Variants in ROBO1 observed in about 807,000 individuals in gnomAD.
ROBO1 encodes the protein roundabout homolog 1.
Under a neutral mutation model 195.9 loss-of-function variants are expected in ROBO1, and 149 were observed. The ratio of observed to expected loss-of-function variants is 0.76; its 90% CI spans 0.67 to 0.87. The LOEUF is 0.87. Among genes scored for constraint, ROBO1 ranks in the 40% least tolerant of loss-of-function variants. The probability of loss-of-function intolerance (pLI) is 0.00; values close to 1 mark genes in which losing one functional copy is unlikely to be tolerated. For missense variants in ROBO1, 1,933 were observed against 2,068.3 expected (o/e 0.93, Z 1.27); for synonymous variants, 816 against 733.2 (o/e 1.11, Z -1.82).
chr3:79,128,865 G>C (rs2080268842), intron 2 of ROBO1, among the ~76,000 whole-genome samples: 1 of 152,044 alleles, frequency 6.6e-6, no homozygotes, highest in Non-Finnish European at 1.5e-5. Flanking sequence ...CTCCAAGTCT[G>C]GAGGAATGTA....
intron 1 of ROBO1, among the ~76,000 whole-genome samples, chr3:79,669,482 A>T (rs868838409): frequency 1.3e-5 from 2 of 151,948 alleles, no homozygotes; most frequent in South Asian, 4.1e-4. Context: ...AGATAAACAC[A>T]AATACCATTG....
At chr3:79,666,099 A>G (rs1458142303) in intron 1 of ROBO1, among the ~76,000 whole-genome samples, 2 of 152,006 alleles carry the variant, frequency 1.3e-5, no homozygotes, top group Non-Finnish European at 2.9e-5. Flanking sequence ...ACCCAATTTC[A>G]TAGAGATATA....
intron 3 of ROBO1, among the ~76,000 whole-genome samples, chr3:78,959,793 T>G (rs1485653074): frequency 2.0e-5 from 3 of 152,188 alleles, no homozygotes; most frequent in Admixed American, 2.0e-4. Context: ...TCTGTGACAA[T>G]ATAGCATCTG....
chr3:78,855,861 T>C (rs1380598161), intron 4 of ROBO1, among the ~76,000 whole-genome samples: 1 of 150,030 alleles, frequency 6.7e-6, no homozygotes, highest in Admixed American at 6.7e-5. Context: ...CAACATAAAA[T>C]TATGAAAACT....
At chr3:78,994,685 A>T (rs537351850) in intron 3 of ROBO1, among the ~76,000 whole-genome samples, 32 of 152,346 alleles carry the variant, frequency 2.1e-4, no homozygotes, top group African/African-American at 7.5e-4. Context: ...AATGGAAAGA[A>T]AACAAGAGTT....
chr3:79,303,485 G>A (rs961703230), intron 2 of ROBO1, among the ~76,000 whole-genome samples: 2 of 151,830 alleles, frequency 1.3e-5, no homozygotes, highest in African/African-American at 4.8e-5. Context: ...TTTTTGTGGT[G>A]AGAATACTTG....
At chr3:78,882,811 T>C (rs1431395066) in intron 4 of ROBO1, among the ~76,000 whole-genome samples, 2 of 115,550 alleles carry the variant, frequency 1.7e-5, no homozygotes, top group East Asian at 2.4e-4. Context: ...TTCTTCCTAA[T>C]CTTTTTTTTT....
chr3:78,918,346 C>T (rs1383755657), intron 4 of ROBO1, among the ~76,000 whole-genome samples: 2 of 152,032 alleles, frequency 1.3e-5, no homozygotes, highest in Admixed American at 1.3e-4. Flanking sequence ...CTATAAAACA[C>T]CCAGAGTGCT....
intron 4 of ROBO1, among the ~76,000 whole-genome samples, chr3:78,909,121 C>T (rs2038093807): frequency 6.6e-6 from 1 of 151,696 alleles, no homozygotes. Context: ...TTATGGAGCT[C>T]TCCATTGCGG....
At chr3:79,225,073 C>A (rs1455297737) in intron 2 of ROBO1, among the ~76,000 whole-genome samples, 3 of 152,002 alleles carry the variant, frequency 2.0e-5, no homozygotes, top group African/African-American at 4.8e-5. Flanking sequence ...TAGGAAAGAA[C>A]ATTCCAGAGA....
At chr3:79,146,816 A>C (rs1267573026) in intron 2 of ROBO1, among the ~76,000 whole-genome samples, 1 of 151,964 alleles carries the variant, frequency 6.6e-6, no homozygotes, top group Non-Finnish European at 1.5e-5. Context: ...GTTGAATCTG[A>C]TTATTTAACA....
At chr3:79,531,762 A>T (rs1311539532) in intron 2 of ROBO1, among the ~76,000 whole-genome samples, 1 of 152,198 alleles carries the variant, frequency 6.6e-6, no homozygotes, top group Admixed American at 6.6e-5. Flanking sequence ...ATTCATATGC[A>T]AACACATTTC....
intron 2 of ROBO1, among the ~76,000 whole-genome samples, chr3:79,378,640 T>A (rs1028148352): frequency 1.3e-5 from 2 of 152,244 alleles, no homozygotes; most frequent in Non-Finnish European, 2.9e-5. Context: ...TGAAACTAAG[T>A]ATAGGCTCCC....
At chr3:79,497,782 T>C (rs6548620) in intron 2 of ROBO1, among the ~76,000 whole-genome samples, 30,303 of 152,154 alleles carry the variant, frequency 0.2, 3,415 homozygotes, top group African/African-American at 0.27. Flanking sequence ...AACAAATTAA[T>C]ATTTTTCTTT....
rs753467336 is a variant in ROBO1 at position 78,717,395 on chromosome 3, T to C, written c.797A>G (p.Lys266Arg). The C allele has an allele frequency of 6.2e-7, 1 of 1,613,754 alleles. No individual in the cohort carries two copies. The highest frequency in any genetic ancestry group is 8.5e-7 in the Non-Finnish European group (1 of 1,179,716). ...LTVLERPSFVKRPSNLAVTVD... is the reference protein window; with the variant it reads ...LTVLERPSFVRRPSNLAVTVD... Reference sequence around the variant, plus strand: ...AGTTACTGCCAAGTTACTGGGTCTCTTCACAAATGATGGTCTCTCTAAAAT... The same window carrying C: ...AGTTACTGCCAAGTTACTGGGTCTCCTCACAAATGATGGTCTCTCTAAAAT... The change falls in exon 7 of 31, where the codon AAG becomes AGG. Residue 266 changes from lysine (K) to arginine (R), a missense_variant. Lys to Arg is a conservative substitution (Grantham distance 26). Around this residue, in one of 3 missense-constraint regions of ROBO1, gnomAD observed 1,737 missense variants for 1,882.5 expected, o/e 0.92. Transcript: ENST00000464233.
At chr3:79,516,512 A>G (rs1940951422) in intron 2 of ROBO1, among the ~76,000 whole-genome samples, 1 of 152,148 alleles carries the variant, frequency 6.6e-6, no homozygotes, top group Non-Finnish European at 1.5e-5. Flanking sequence ...TGATACACAG[A>G]CTGCCATTAT....
intron 2 of ROBO1, among the ~76,000 whole-genome samples, chr3:79,514,608 G>A (rs1300011436): frequency 6.6e-6 from 1 of 152,096 alleles, no homozygotes; most frequent in Non-Finnish European, 1.5e-5. Context: ...CTTTTGGAAA[G>A]TACTGGACAA....
intron 3 of ROBO1, among the ~76,000 whole-genome samples, chr3:79,124,453 T>G (rs2080177956): frequency 6.6e-6 from 1 of 152,128 alleles, no homozygotes; most frequent in Non-Finnish European, 1.5e-5. Context: ...AAATATCAAG[T>G]CTATTATTTT....
intron 3 of ROBO1, among the ~76,000 whole-genome samples, chr3:79,087,528 C>CTTCT (rs2079394642): frequency 6.6e-6 from 1 of 150,906 alleles, no homozygotes; most frequent in Non-Finnish European, 1.5e-5. Flanking sequence ...CCTTCCTTTC[C>CTTCT]TTCCTTCCTT....
Sources: allele counts gnomAD v4.1 joint callset (sites outside exome capture counted in the v4.1 genomes callset), GRCh38; gene constraint gnomAD v4.1.1; regional missense constraint gnomAD v4.1.1; transcripts MANE v1.5; gene names NCBI Gene and HGNC (gene_info 2026-07-23, HGNC 2026-07-21).